Variants in AGPAT4 observed in about 807,000 individuals in gnomAD.
The protein encoded by AGPAT4 is 1-acylglycerol-3-phosphate O-acyltransferase 4, also known as 1-acyl-sn-glycerol-3-phosphate acyltransferase delta.
AGPAT4 carries 15 observed loss-of-function variants against 48.0 expected under a neutral mutation model. That is an observed-to-expected ratio of 0.31 (90% CI 0.21 to 0.48). The LOEUF (loss-of-function observed/expected upper bound fraction) is 0.48. AGPAT4 is among the 20% of genes least tolerant of loss of function. The pLI is 0.99. For missense variants in AGPAT4, 314 were observed against 482.5 expected (o/e 0.65, Z 3.27); for synonymous variants, 178 against 198.7 (o/e 0.90, Z 0.88).
Position 161,166,223 on chromosome 6 carries a change from A to C in AGPAT4, c.348+25T>G. 3.1e-6 allele frequency: 5 copies of C among 1,611,058 alleles called. No individual in the cohort carries two copies. The highest frequency in any genetic ancestry group is 1.1e-5 in the South Asian group (1 of 90,362). ...GCTGAACCAGAGAAATGTGTGAGGC[A>C]GGGGGGAATGCACTTCTGACTTACC... On this transcript the variant is annotated intron_variant, in intron 3 of 8. Coordinates refer to ENST00000320285, the MANE Select transcript of AGPAT4 (RefSeq NM_020133.3). This position sits in a 1 kb window ranked among gnomAD's most constrained non-coding sequence, Gnocchi z 6.7.
Position 161,186,415 on chromosome 6 carries a change from C to T in AGPAT4, c.179-19998G>A, listed in dbSNP as rs975183237. 3.3e-5 allele frequency among the ~76,000 whole-genome samples: 5 copies of T among 152,120 alleles called. No individual in the cohort carries two copies. In the East Asian group the frequency reaches 9.6e-4, roughly 29 times the overall value. On this transcript the variant is annotated intron_variant, in intron 2 of 8. Transcript: ENST00000320285. ...CCAAGAATTTCAACTTAGAGCAACT[C>T]GTGTTCCTGTGCACACCACCGACGG...
chr6:161,217,963 C>T lies in AGPAT4; in HGVS notation c.178+14073G>A, dbSNP rs139977857. On this transcript the variant is annotated intron_variant, in intron 2 of 8. Coordinates refer to ENST00000320285, the MANE Select transcript of AGPAT4 (RefSeq NM_020133.3). The surrounding 1 kb of genome is among the most constrained non-coding windows in gnomAD (Gnocchi z 4.9). ...TTGAAGGACAAGGTCTCTTCCTCAT[C>T]TCCCAACTCACCTTGTAGCGTAGAG... Among the ~76,000 whole-genome samples the T allele has an allele frequency of 1.1e-3, 168 of 152,384 alleles. 4 individuals are homozygous for T. In the East Asian group the frequency reaches 0.027, roughly 25 times the overall value.
chr6:161,221,528 C>G lies in AGPAT4; in HGVS notation c.178+10508G>C, dbSNP rs1781835315. 6.6e-6 allele frequency among the ~76,000 whole-genome samples: 1 copy of G among 152,130 alleles called. No homozygotes were observed. The highest frequency in any genetic ancestry group is 2.1e-4 in the South Asian group (1 of 4,818). ...GATACCATATTAATGTGTCATTTAT[C>G]ACGAAACTGGACTTCACTTTGGACT... On this transcript the variant is annotated intron_variant, in intron 2 of 8. Transcript: ENST00000320285. The surrounding 1 kb of genome is among the most constrained non-coding windows in gnomAD (Gnocchi z 4.5).
intron 1 of AGPAT4, among the ~76,000 whole-genome samples, chr6:161,248,486 A>G (rs2115050584): frequency 6.6e-6 from 1 of 150,376 alleles, no homozygotes; most frequent in South Asian, 2.2e-4. Context: ...AGGCAGGAGA[A>G]TAGAGTGAAC....
intron 2 of AGPAT4, among the ~76,000 whole-genome samples, chr6:161,183,800 A>G (rs977079094): frequency 1.3e-5 from 2 of 150,660 alleles, no homozygotes; most frequent in African/African-American, 4.9e-5. Context: ...GATGACGCGT[A>G]TATGAGAAGA....
chr6:161,131,719 A>C lies in AGPAT4; in HGVS notation c.*4821T>G, dbSNP rs1175507261. 2.0e-5 allele frequency: 3 copies of C among 152,244 alleles called. No homozygotes were observed. The highest frequency in any genetic ancestry group is 4.4e-5 in the Non-Finnish European group (3 of 68,042). 9.4% of individuals were successfully genotyped at this position (152,244 alleles called of 1,614,324 possible). A position where few individuals can be genotyped will look rare whatever the true frequency, so the allele number is the denominator to read the frequency against. On this transcript the variant is annotated 3_prime_UTR_variant, in exon 9 of 9. Coordinates refer to ENST00000320285, the MANE Select transcript of AGPAT4 (RefSeq NM_020133.3). ...TTTGACCAAAATAGCAGTAATTTCA[A>C]ACAGTTGAATGTCGTGATCGATACT... is the stretch of plus-strand genomic sequence containing the variant.
In AGPAT4 at chr6:161,217,704, T is replaced by C. The variant is rs937607752; in HGVS notation, c.178+14332A>G. 1.3e-5 allele frequency among the ~76,000 whole-genome samples: 2 copies of C among 152,176 alleles called. No individual in the cohort carries two copies. Among genetic ancestry groups the C allele is most frequent in the Non-Finnish European group, 2.9e-5 (2 of 68,034 alleles). On this transcript the variant is annotated intron_variant, in intron 2 of 8. Transcript: ENST00000320285. The surrounding 1 kb of genome is among the most constrained non-coding windows in gnomAD (Gnocchi z 4.9). Reference sequence around the variant, plus strand: ...ATCATAATTACCCTGGTGAAAGGACTGGCTGGGAGAGGCATGGCATATTCA... The same window carrying C: ...ATCATAATTACCCTGGTGAAAGGACCGGCTGGGAGAGGCATGGCATATTCA...
chr6:161,239,852 A>G (rs1782431050), intron 1 of AGPAT4, among the ~76,000 whole-genome samples: 1 of 152,218 alleles, frequency 6.6e-6, no homozygotes, highest in East Asian at 1.9e-4. Flanking sequence ...TTTCACACAC[A>G]TATTAGGGCC....
chr6:161,215,804 T>C lies in AGPAT4; in HGVS notation c.178+16232A>G, dbSNP rs1181171247. Among the ~76,000 whole-genome samples the C allele has an allele frequency of 6.6e-6, 1 of 152,200 alleles. No homozygotes were observed. The highest frequency in any genetic ancestry group is 1.5e-5 in the Non-Finnish European group (1 of 68,038). Reference sequence around the variant, plus strand: ...CCTACCAGCCACCAACCCATTGTAATTTCTCCTTTTTAGGTAGATATACCC... The same window carrying C: ...CCTACCAGCCACCAACCCATTGTAACTTCTCCTTTTTAGGTAGATATACCC... On this transcript the variant is annotated intron_variant, in intron 2 of 8. Transcript: ENST00000320285. The surrounding 1 kb of genome is among the most constrained non-coding windows in gnomAD (Gnocchi z 4.5).
rs36039124 is a variant in AGPAT4, at chr6:161,189,996, C to T, written c.179-23579G>A. Among the ~76,000 whole-genome samples, 12,433 of 152,164 alleles carry T rather than the reference C, an allele frequency of 0.082. 644 individuals carry two copies. The highest frequency in any genetic ancestry group is 0.12 in the Non-Finnish European group (8,319 of 68,012). On this transcript the variant is annotated intron_variant, in intron 2 of 8. Coordinates refer to ENST00000320285, the MANE Select transcript of AGPAT4 (RefSeq NM_020133.3). The surrounding 1 kb of genome is among the most constrained non-coding windows in gnomAD (Gnocchi z 5.3). Reference sequence around the variant, plus strand: ...CTTAGAGATGCATAATAAATATGCACCTTACGGTCAATGACTAGAGTCTAT... The same window carrying T: ...CTTAGAGATGCATAATAAATATGCATCTTACGGTCAATGACTAGAGTCTAT...
intron 2 of AGPAT4, among the ~76,000 whole-genome samples, chr6:161,187,041 TA>T (rs2114998022): frequency 6.6e-6 from 1 of 152,322 alleles, no homozygotes; most frequent in Admixed American, 6.5e-5. Context: ...CACGATTTAC[TA>T]ATAACATCGG....
At position 161,161,220 on chromosome 6, in the gene AGPAT4, C is replaced by T. The variant is rs563084225; in HGVS notation, c.348+5028G>A. On this transcript the variant is annotated intron_variant, in intron 3 of 8. Coordinates refer to ENST00000320285, the MANE Select transcript of AGPAT4 (RefSeq NM_020133.3). The surrounding 1 kb of genome is among the most constrained non-coding windows in gnomAD (Gnocchi z 4.6). ...TCCTGGTCAACAAAGAAGAAGACCC[C>T]GGTGTGTCCAACGTGGGACCGGACT... 2.4e-4 allele frequency: 111 copies of T among 456,674 alleles called. No homozygotes were observed. Among genetic ancestry groups the T allele is most frequent in the Middle Eastern group, 2.0e-3 (6 of 3,076 alleles). The allele number at this position is 456,674 out of a possible 1,614,324, so 28.3% of individuals were successfully genotyped here.
Position 161,266,748 on chromosome 6 carries a change from T to C in AGPAT4, c.-90+7190A>G, listed in dbSNP as rs541900835. ...CACAGTCTGAGATGATTGCATTGAT[T>C]GTCTGCTGATGGCTGCAGTATCCTG... is the stretch of plus-strand genomic sequence containing the variant. On this transcript the variant is annotated intron_variant, in intron 1 of 8. Coordinates refer to ENST00000320285, the MANE Select transcript of AGPAT4 (RefSeq NM_020133.3). The surrounding 1 kb of genome is among the most constrained non-coding windows in gnomAD (Gnocchi z 6.2). Among the ~76,000 whole-genome samples the C allele has an allele frequency of 8.5e-5, 13 of 152,322 alleles. No homozygotes were observed. The highest frequency in any genetic ancestry group is 3.1e-4 in the African/African-American group (13 of 41,576).
Position 161,143,645 on chromosome 6 carries a change from C to T in AGPAT4, c.843+2879G>A, listed in dbSNP as rs1188355442. The stretch of plus-strand genomic sequence containing the variant: ...TCACACAAGGGCATGAATGGTTTCT[C>T]AAAGCCTTCCAACAACACGAGTCCC... On this transcript the variant is annotated intron_variant, in intron 7 of 8. Coordinates refer to ENST00000320285, the MANE Select transcript of AGPAT4 (RefSeq NM_020133.3). This position sits in a 1 kb window ranked among gnomAD's most constrained non-coding sequence, Gnocchi z 4.7. Among the ~76,000 whole-genome samples the T allele has an allele frequency of 6.6e-6, 1 of 152,198 alleles. No homozygotes were observed. The highest frequency in any genetic ancestry group is 2.4e-5 in the African/African-American group (1 of 41,436).
At position 161,245,903 on chromosome 6, in the gene AGPAT4, T is replaced by C. The variant is rs747826166; in HGVS notation, c.-89-13601A>G. Among the ~76,000 whole-genome samples the C allele has an allele frequency of 3.3e-5, 5 of 152,220 alleles. No homozygotes were observed. Among genetic ancestry groups the C allele is most frequent in the Admixed American group, 6.5e-5 (1 of 15,282 alleles). ...ATAATGGACCTGAAGAGAGACTTAT[T>C]AGAAAACAAATGCACTTAAATGCTT... On this transcript the variant is annotated intron_variant, in intron 1 of 8. Transcript: ENST00000320285. The surrounding 1 kb of genome is among the most constrained non-coding windows in gnomAD (Gnocchi z 5.2).
At position 161,133,597 on chromosome 6, in the gene AGPAT4, T is replaced by C. The variant is rs1778972019; in HGVS notation, c.*2943A>G. ...CAAATGGTTGGTGTCTTTTTAAGAG[T>C]CCCCGTGGGCTGGCTTTCCTGGAAG... On this transcript the variant is annotated 3_prime_UTR_variant, in exon 9 of 9. Coordinates refer to ENST00000320285, the MANE Select transcript of AGPAT4 (RefSeq NM_020133.3). 6.6e-6 allele frequency: 1 copy of C among 152,092 alleles called. No homozygotes were observed. The highest frequency in any genetic ancestry group is 1.9e-4 in the East Asian group (1 of 5,184). 9.4% of individuals were successfully genotyped at this position (152,092 alleles called of 1,614,324 possible).
chr6:161,189,622 G>A lies in AGPAT4; in HGVS notation c.179-23205C>T, dbSNP rs544764463. Among the ~76,000 whole-genome samples the A allele has an allele frequency of 1.3e-3, 196 of 152,196 alleles. No homozygotes were observed. The highest frequency in any genetic ancestry group is 4.5e-3 in the African/African-American group (188 of 41,520). On this transcript the variant is annotated intron_variant, in intron 2 of 8. Transcript: ENST00000320285. This position sits in a 1 kb window ranked among gnomAD's most constrained non-coding sequence, Gnocchi z 5.3. ...GACGGTACGGACTTCTGTCTGTGCT[G>A]TACACTTGCACACGGCAGATCCAGG...
Position 161,232,430 on chromosome 6 carries a change from A to G in AGPAT4, c.-89-128T>C. 3 of 520,414 alleles carry G rather than the reference A, an allele frequency of 5.8e-6. No individual in the cohort carries two copies. The South Asian group carries it at 7.6e-5, about 13-fold the overall frequency. 32.2% of individuals were successfully genotyped at this position (520,414 alleles called of 1,614,324 possible). A position where few individuals can be genotyped will look rare whatever the true frequency, so the allele number is the denominator to read the frequency against. On this transcript the variant is annotated intron_variant, in intron 1 of 8. Coordinates refer to ENST00000320285, the MANE Select transcript of AGPAT4 (RefSeq NM_020133.3). This position sits in a 1 kb window ranked among gnomAD's most constrained non-coding sequence, Gnocchi z 6.8. Reference sequence around the variant, plus strand: ...CATGTGCGTTAGTTGATTTATCTTTATTTTGCAAACATTGATGTAGTGCTT... The same window carrying G: ...CATGTGCGTTAGTTGATTTATCTTTGTTTTGCAAACATTGATGTAGTGCTT...
At chr6:161,167,661 G>A (rs1228102388) in intron 2 of AGPAT4, among the ~76,000 whole-genome samples, 3 of 151,824 alleles carry the variant, frequency 2.0e-5, no homozygotes, top group Non-Finnish European at 2.9e-5. Flanking sequence ...TAGCTCAAGC[G>A]GCTGTCCTTG....
Sources: allele counts gnomAD v4.1 joint callset (sites outside exome capture counted in the v4.1 genomes callset), GRCh38; gene constraint gnomAD v4.1.1; non-coding constraint Gnocchi (gnomAD v3.1); transcripts MANE v1.5; gene names NCBI Gene and HGNC (gene_info 2026-07-23, HGNC 2026-07-21).